Variants in GPHN observed in about 807,000 individuals in gnomAD.
GPHN encodes the protein gephyrin.
Under a neutral mutation model 95.5 loss-of-function variants are expected in GPHN, and 17 were observed. The observed-to-expected ratio is 0.18, with a 90% CI of 0.12 to 0.27. The LOEUF is 0.27. Ranked by LOEUF, GPHN falls within the 10% of genes least tolerant of loss-of-function variation. GPHN has a pLI of 1.00. For missense variants in GPHN, 660 were observed against 978.1 expected, an observed-to-expected ratio of 0.67 and a Z score of 4.34; for synonymous variants, 320 against 322.5, an observed-to-expected ratio of 0.99 and a Z score of 0.08.
At chr14:67,279,461 CG>C in the GPHN span, 1 of 1,611,750 alleles carries the variant, frequency 6.2e-7, no homozygotes, top group Non-Finnish European at 8.5e-7. Context: ...CTCCAAAGAC[CG>C]GAATAGATAA....
intron 9 of GPHN, among the ~76,000 whole-genome samples, chr14:66,994,513 A>C (rs17780844): frequency 1.3e-5 from 2 of 152,230 alleles, no homozygotes; most frequent in Non-Finnish European, 2.9e-5. Flanking sequence ...AATGTGCACC[A>C]TAGAATTGCC....
chr14:67,201,628 C>T, the GPHN span: 1 of 430,826 alleles, frequency 2.3e-6, no homozygotes, highest in South Asian at 1.7e-5. Context: ...TGGAGTGGAA[C>T]CACCACTACC....
At chr14:66,707,925 G>A (rs2069247387) in intron 2 of GPHN, among the ~76,000 whole-genome samples, 1 of 152,108 alleles carries the variant, frequency 6.6e-6, no homozygotes, top group Admixed American at 6.6e-5. Context: ...TTTCTGTGTG[G>A]TGATAATATT....
At chr14:66,974,063 A>C (rs1005812953) in intron 9 of GPHN, among the ~76,000 whole-genome samples, 1 of 152,248 alleles carries the variant, frequency 6.6e-6, no homozygotes, top group Non-Finnish European at 1.5e-5. Flanking sequence ...TTCTGCCCTA[A>C]TTCTCTGTTA....
intron 9 of GPHN, among the ~76,000 whole-genome samples, chr14:67,002,125 C>T (rs2072272729): frequency 6.6e-6 from 1 of 151,378 alleles, no homozygotes; most frequent in African/African-American, 2.4e-5. Flanking sequence ...TGTTGACATT[C>T]TATATTCAAA....
intron 2 of GPHN, among the ~76,000 whole-genome samples, chr14:66,697,347 G>A (rs573449770): frequency 1.1e-4 from 17 of 152,268 alleles, no homozygotes; most frequent in Non-Finnish European, 2.4e-4. Flanking sequence ...ACAGTATCAG[G>A]TTTTGTGAAC....
At chr14:66,743,998 A>G (rs182833916) in intron 2 of GPHN, among the ~76,000 whole-genome samples, 59 of 152,118 alleles carry the variant, frequency 3.9e-4, no homozygotes, top group African/African-American at 1.3e-3. Context: ...TTACACTACT[A>G]CTTCTCATCC....
chr14:66,721,973 G>GA (rs1230735967), intron 2 of GPHN, among the ~76,000 whole-genome samples: 3 of 143,806 alleles, frequency 2.1e-5, no homozygotes, highest in Non-Finnish European at 3.0e-5. Context: ...AAAAAAAAAG[G>GA]AAAAAAAAGA....
chr14:67,433,608 G>C, the GPHN span, among the ~76,000 whole-genome samples: 4 of 152,086 alleles, frequency 2.6e-5, no homozygotes, highest in Non-Finnish European at 4.4e-5. Flanking sequence ...AACTCATCGG[G>C]AGTATGAATG....
intron 9 of GPHN, among the ~76,000 whole-genome samples, chr14:67,006,379 T>C (rs921773188): frequency 6.6e-6 from 1 of 152,158 alleles, no homozygotes; most frequent in Non-Finnish European, 1.5e-5. Context: ...CCTGGAGTCA[T>C]GAAAACCCAG....
the GPHN span, among the ~76,000 whole-genome samples, chr14:67,641,229 G>A: frequency 4.3e-4 from 66 of 152,278 alleles, no homozygotes; most frequent in Admixed American, 5.9e-4. Context: ...TGTATAAAGT[G>A]TGTATGAAAC....
At chr14:66,703,093 T>C (rs2068716979) in intron 2 of GPHN, among the ~76,000 whole-genome samples, 1 of 151,580 alleles carries the variant, frequency 6.6e-6, no homozygotes, top group South Asian at 2.1e-4. Context: ...AGAGTAGAGA[T>C]AAAAGAATGA....
At chr14:67,709,015 T>A in the GPHN span, among the ~76,000 whole-genome samples, 1 of 152,178 alleles carries the variant, frequency 6.6e-6, no homozygotes, top group Non-Finnish European at 1.5e-5. Flanking sequence ...ATGGTCTCGA[T>A]CTTTTGACCT....
the GPHN span, among the ~76,000 whole-genome samples, chr14:67,489,430 T>G: frequency 2.8e-3 from 429 of 152,316 alleles, 3 homozygotes; most frequent in African/African-American, 9.9e-3. Flanking sequence ...TTTTGCAAAC[T>G]TATAGCTGAG....
chr14:67,109,589 C>T (rs766822800), intron 13 of GPHN, among the ~76,000 whole-genome samples: 2 of 152,128 alleles, frequency 1.3e-5, no homozygotes, highest in Non-Finnish European at 2.9e-5. Context: ...ATTTGCTCAA[C>T]CTCTATTATT....
chr14:66,800,359 C>T (rs1396843787), intron 3 of GPHN, among the ~76,000 whole-genome samples: 4 of 152,000 alleles, frequency 2.6e-5, no homozygotes, highest in Non-Finnish European at 5.9e-5. Flanking sequence ...CTTCGTTTAG[C>T]GTGTCTTGTA....
chr14:67,047,752 G>A (rs1374715416), intron 10 of GPHN, among the ~76,000 whole-genome samples: 1 of 152,180 alleles, frequency 6.6e-6, no homozygotes, highest in Non-Finnish European at 1.5e-5. Flanking sequence ...TGGGAGGCCA[G>A]GGGTTTGAAA....
chr14:67,527,405 T>C, the GPHN span, among the ~76,000 whole-genome samples: 5 of 152,132 alleles, frequency 3.3e-5, no homozygotes, highest in Admixed American at 6.5e-5. Flanking sequence ...ACCATTGCAC[T>C]CCAGCCTGGG....
At chr14:67,172,308 C>T (rs141940514) in intron 21 of GPHN, among the ~76,000 whole-genome samples, 1 of 152,268 alleles carries the variant, frequency 6.6e-6, no homozygotes, top group African/African-American at 2.4e-5. Context: ...CCTAGGAAAA[C>T]AGTATCTTGG....
Sources: allele counts gnomAD v4.1 joint callset (sites outside exome capture counted in the v4.1 genomes callset), GRCh38; gene constraint gnomAD v4.1.1; transcripts MANE v1.5; gene names NCBI Gene and HGNC (gene_info 2026-07-23, HGNC 2026-07-21).